Variants in ALKBH2 observed in about 807,000 individuals in gnomAD.
ALKBH2 encodes DNA oxidative demethylase ALKBH2.
Under a neutral mutation model 19.7 loss-of-function variants are expected in ALKBH2, and 19 were observed. The observed-to-expected ratio is 0.97, with a 90% CI of 0.67 to 1.42. The LOEUF (loss-of-function observed/expected upper bound fraction) is 1.42. Among genes scored for constraint, ALKBH2 ranks in the 40% most tolerant of loss-of-function variants. The probability of loss-of-function intolerance (pLI) is 0.00; values close to 1 mark genes in which losing one functional copy is unlikely to be tolerated. For synonymous variants in ALKBH2, 135 were observed against 131.2 expected (o/e 1.03, Z -0.20); for missense variants, 310 against 328.5 (o/e 0.94, Z 0.43).
Position 109,088,315 on chromosome 12 carries a change from A to G in ALKBH2, c.677T>C (p.Met226Thr), listed in dbSNP as rs780041215. The G allele has an allele frequency of 6.2e-7, 1 of 1,614,186 alleles. No individual in the cohort carries two copies. Among genetic ancestry groups the G allele is most frequent in the Admixed American group, 1.7e-5 (1 of 60,016 alleles). ...CCAGTGCGTGTTGGTCGGGTGGTTC[A>G]TCATTAGTAAGCTCCCGTGGGCCAG... ...LPLAHGSLLMMNHPTNTHWYH... is the reference protein window; with the variant it reads ...LPLAHGSLLMTNHPTNTHWYH... The change falls in exon 4 of 4, where the codon ATG becomes ACG. Residue 226 changes from methionine (M) to threonine (T), a missense_variant. Met to Thr is a moderately conservative substitution (Grantham distance 81, BLOSUM62 -1). Transcript: ENST00000429722. This position sits in a 1 kb window ranked among gnomAD's most constrained non-coding sequence, Gnocchi z 4.2.
At position 109,092,952 on chromosome 12, in the gene ALKBH2, GA is replaced by G; in HGVS notation, c.-151-16del. ...AAAACCATGTCCTAGAAAGGAAACA[GA>G]AGATGTTAAAGCCGGAAGGGACCCT... On this transcript the variant is annotated splice_polypyrimidine_tract_variant and intron_variant, in intron 1 of 3. Coordinates refer to ENST00000429722, the MANE Select transcript of ALKBH2 (RefSeq NM_001145374.2). 1 of 1,424,684 alleles carries G rather than the reference GA, an allele frequency of 7.0e-7. No homozygotes were observed. The highest frequency in any genetic ancestry group is 9.1e-7 in the Non-Finnish European group (1 of 1,095,306). 88.3% of individuals were successfully genotyped at this position (1,424,684 alleles called of 1,614,324 possible).
intron 2 of ALKBH2, 107 bp from the exon 3 acceptor site, chr12:109,090,314 A>C: frequency 1.1e-6 from 1 of 880,360 alleles, no homozygotes; most frequent in Non-Finnish European, 1.8e-6. Context: ...TGCCCCACAT[A>C]CATGCTCCCT....
Position 109,088,305 on chromosome 12 carries a change from C to A in ALKBH2, c.687G>T (p.Pro229=). The A allele has an allele frequency of 1.2e-6, 2 of 1,614,126 alleles. No individual in the cohort carries two copies. Among genetic ancestry groups the A allele is most frequent in the Non-Finnish European group, 1.7e-6 (2 of 1,180,032 alleles). ...AHGSLLMMNH[P]TNTHWYHSLP... ...GACTGTGGTACCAGTGCGTGTTGGT[C>A]GGGTGGTTCATCATTAGTAAGCTCC... is the stretch of plus-strand genomic sequence containing the variant. Residue 229 remains proline (P), a synonymous_variant, in exon 4 of 4, where the codon CCG becomes CCT. Coordinates refer to ENST00000429722, the MANE Select transcript of ALKBH2 (RefSeq NM_001145374.2). This position sits in a 1 kb window ranked among gnomAD's most constrained non-coding sequence, Gnocchi z 4.2.
In ALKBH2 at chr12:109,092,760, A is replaced by G. The variant is rs1261809039; in HGVS notation, c.27T>C (p.Ala9=). The G allele has an allele frequency of 5.0e-6, 8 of 1,613,508 alleles. No homozygotes were observed. The Admixed American group carries it at 1.3e-4, about 27-fold the overall frequency. MDRFLVKG[A]QGGLLRKQEE... ...CCTGCTTCCTCAAAAGGCCCCCTTG[A>G]GCCCCTTTCACCAGGAATCTGTCCA... The change falls in exon 2 of 4, where the codon GCT becomes GCC. Residue 9 remains alanine, a synonymous_variant. Transcript: ENST00000429722.
Position 109,088,296 on chromosome 12 carries a change from C to T in ALKBH2, c.696G>A (p.Thr232=), listed in dbSNP as rs706493. ...TCACGGGAAGACTGTGGTACCAGTGCGTGTTGGTCGGGTGGTTCATCATTA... is the reference window on the plus strand; with the variant it reads ...TCACGGGAAGACTGTGGTACCAGTGTGTGTTGGTCGGGTGGTTCATCATTA... ...SLLMMNHPTN[T]HWYHSLPVRK... is the part of the protein sequence containing the mutation. The change falls in exon 4 of 4, where the codon ACG becomes ACA. Residue 232 remains threonine, a synonymous_variant. Coordinates refer to ENST00000429722, the MANE Select transcript of ALKBH2 (RefSeq NM_001145374.2). The surrounding 1 kb of genome is among the most constrained non-coding windows in gnomAD (Gnocchi z 4.2). 34 of 1,614,166 alleles carry T rather than the reference C, an allele frequency of 2.1e-5. No individual in the cohort carries two copies. In the East Asian group the frequency reaches 3.1e-4, roughly 15 times the overall value.
chr12:109,092,331 C>A (rs550153461), intron 2 of ALKBH2, 176 bp downstream of exon 2: 1 of 983,054 alleles, frequency 1.0e-6, no homozygotes, highest in African/African-American at 1.7e-5. Context: ...AAGTTTATGT[C>A]CCAAGCACCT....
At chr12:109,090,327 G>A (rs532479495) in intron 2 of ALKBH2, 120 bp from the exon 3 acceptor site, 7 of 782,532 alleles carry the variant, frequency 8.9e-6, no homozygotes, top group Non-Finnish European at 1.5e-5. Flanking sequence ...TGCTCCCTGG[G>A]TATTCAAGAT....
At chr12:109,090,346 A>G in intron 2 of ALKBH2, 139 bp from the exon 3 acceptor site, 1 of 702,704 alleles carries the variant, frequency 1.4e-6, no homozygotes, top group Non-Finnish European at 2.4e-6. Flanking sequence ...ATTGAAAGGG[A>G]AGTAAGGAAT....
In ALKBH2 at chr12:109,088,720, TTTA is replaced by T. The variant is rs1263887511; in HGVS notation, c.480-211_480-209del. 6.6e-6 allele frequency among the ~76,000 whole-genome samples: 1 copy of T among 152,080 alleles called. No homozygotes were observed. The highest frequency in any genetic ancestry group is 6.6e-5 in the Admixed American group (1 of 15,256). On this transcript the variant is annotated intron_variant, in intron 3 of 3. Coordinates refer to ENST00000429722, the MANE Select transcript of ALKBH2 (RefSeq NM_001145374.2). The surrounding 1 kb of genome is among the most constrained non-coding windows in gnomAD (Gnocchi z 4.2). Reference sequence around the variant, plus strand: ...TTGACGTATTTGTTCATGTGACTTATTTATTATTATTTTTGAGAGGGTCTCGCT... The same window carrying T: ...TTGACGTATTTGTTCATGTGACTTATTTATTATTTTTGAGAGGGTCTCGCT...
intron 3 of ALKBH2, 71 bp downstream of exon 3, chr12:109,089,938 G>A (rs1467139413): frequency 6.5e-7 from 1 of 1,529,868 alleles, no homozygotes; most frequent in Non-Finnish European, 9.0e-7. Context: ...CAAATAGGGT[G>A]GAACCCTAAA....
chr12:109,092,581 T>C lies in ALKBH2; in HGVS notation c.206A>G (p.Tyr69Cys), dbSNP rs533548376. 1.1e-5 allele frequency: 18 copies of C among 1,613,918 alleles called. No individual in the cohort carries two copies. The African/African-American group carries it at 2.4e-4, about 21-fold the overall frequency. The change falls in exon 2 of 4, where the codon TAC becomes TGC. Residue 69 changes from tyrosine to cysteine, a missense_variant. Tyr to Cys is a radical substitution (Grantham distance 194, BLOSUM62 -2). Transcript: ENST00000429722. ...HIRAEGLDCSYTVLFGKAEAD... is the reference protein window; with the variant it reads ...HIRAEGLDCSCTVLFGKAEAD... ...CTCAGCTTTGCCAAACAGGACTGTG[T>C]AACTGCAGTCCAGGCCCTCAGCCCG... is the stretch of plus-strand genomic sequence containing the variant.
intron 3 of ALKBH2, among the ~76,000 whole-genome samples, chr12:109,089,001 C>T (rs1055461278): frequency 9.9e-5 from 15 of 152,188 alleles, no homozygotes; most frequent in South Asian, 2.1e-4. Context: ...TGAGTCACCA[C>T]GTCCGGCCAG....
At chr12:109,091,184 G>A (rs889917009) in intron 2 of ALKBH2, among the ~76,000 whole-genome samples, 6 of 152,156 alleles carry the variant, frequency 3.9e-5, no homozygotes, top group African/African-American at 1.4e-4. Context: ...TCAAGGCCAG[G>A]AGTTCAATTA....
At chr12:109,089,759 A>G (rs2135861107) in intron 3 of ALKBH2, 1 of 512,884 alleles carries the variant, frequency 1.9e-6, no homozygotes, top group Non-Finnish European at 3.5e-6. Flanking sequence ...AAAAAAAAAA[A>G]AGAAAGAAAA....
intron 2 of ALKBH2, chr12:109,092,289 G>T: frequency 1.7e-6 from 1 of 578,384 alleles, no homozygotes; most frequent in Non-Finnish European, 2.6e-6. Context: ...TCATCTGTCA[G>T]CTCCTAGTAG....
rs756043477 is a variant in ALKBH2 at position 109,090,218 on chromosome 12, G to A, written c.281-11C>T. ...CTCTGGCCAGTGCTCCTGTGCAGAG[G>A]AAACATGGCAGTTCCTTTCTACCTG... On this transcript the variant is annotated splice_polypyrimidine_tract_variant and intron_variant, in intron 2 of 3. Coordinates refer to ENST00000429722, the MANE Select transcript of ALKBH2 (RefSeq NM_001145374.2). 11 of 1,611,586 alleles carry A rather than the reference G, an allele frequency of 6.8e-6. No homozygotes were observed. Among genetic ancestry groups the A allele is most frequent in the Non-Finnish European group, 9.3e-6 (11 of 1,179,836 alleles).
At chr12:109,092,486 C>CAT in intron 2 of ALKBH2, 21 bp downstream of exon 2, 2 of 1,545,120 alleles carry the variant, frequency 1.3e-6, no homozygotes, top group Non-Finnish European at 1.7e-6. Flanking sequence ...CACACACACA[C>CAT]ACACACACCC....
In ALKBH2 at chr12:109,088,433, CAG is replaced by C; in HGVS notation, c.557_558del (p.Ser186CysfsTer14). 6.2e-7 allele frequency: 1 copy of C among 1,613,792 alleles called. No individual in the cohort carries two copies. Among genetic ancestry groups the C allele is most frequent in the Non-Finnish European group, 8.5e-7 (1 of 1,179,900 alleles). On this transcript the variant is annotated frameshift_variant, in exon 4 of 4. Coordinates refer to ENST00000429722, the MANE Select transcript of ALKBH2 (RefSeq NM_001145374.2). LOFTEE classifies it high-confidence loss of function. The surrounding 1 kb of genome is among the most constrained non-coding windows in gnomAD (Gnocchi z 4.2). ...AAGTCTCTGCAGGCACCGAAGGAGA[CAG>C]AGGCAATGGGGCTCCCAGGGGCCAG... ...RELAPGSPIASVSFGACRDFV... is the reference protein window; with the variant it reads ...RELAPGSPIAXVSFGACRDFV...
At position 109,092,650 on chromosome 12, in the gene ALKBH2, GGGGCCTCTCTCCT is replaced by G. The variant is rs771515668; in HGVS notation, c.124_136del (p.Arg42GlnfsTer44). ...GCCTGCTGAGTGGCCTCCATTCCCT[GGGGCCTCTCTCCT>G]GGGCCTCTTCCTTGTGCTTTCTTTG... is the stretch of plus-strand genomic sequence containing the variant. On this transcript the variant is annotated frameshift_variant, in exon 2 of 4. Coordinates refer to ENST00000429722, the MANE Select transcript of ALKBH2 (RefSeq NM_001145374.2). LOFTEE classifies it high-confidence loss of function. The G allele has an allele frequency of 1.5e-5, 24 of 1,614,132 alleles. No individual in the cohort carries two copies. The South Asian group carries it at 2.6e-4, about 18-fold the overall frequency.
Sources: allele counts gnomAD v4.1 joint callset (sites outside exome capture counted in the v4.1 genomes callset), GRCh38; gene constraint gnomAD v4.1.1; non-coding constraint Gnocchi (gnomAD v3.1); transcripts MANE v1.5; gene names NCBI Gene and HGNC (gene_info 2026-07-23, HGNC 2026-07-21).